KNTC1: variants seen among roughly 807,000 people sequenced by gnomAD.
KNTC1 encodes kinetochore-associated protein 1.
In KNTC1, 253 loss-of-function variants were observed where a neutral mutation model predicts 314.4. That is an observed-to-expected ratio of 0.80 (90% CI 0.73 to 0.89). The LOEUF is 0.89. Ranked by LOEUF, KNTC1 falls within the 40% of genes least tolerant of loss-of-function variation. KNTC1 has a pLI of 0.00. For synonymous variants in KNTC1, 901 were observed against 901.4 expected (o/e 1.00, Z 0.01); for missense variants, 2,475 against 2,572.9 (o/e 0.96, Z 0.82).
chr12:122,565,659 G>T (rs761570805), intron 20 of KNTC1, among the ~76,000 whole-genome samples: 3 of 152,014 alleles, frequency 2.0e-5, no homozygotes, highest in Non-Finnish European at 4.4e-5. Context: ...GGCTGAGGTA[G>T]GCGGATCGCT....
intron 51 of KNTC1, among the ~76,000 whole-genome samples, chr12:122,608,933 C>T (rs1220634525): frequency 6.6e-6 from 1 of 152,024 alleles, no homozygotes; most frequent in East Asian, 1.9e-4. Context: ...ATGGTGTGCA[C>T]CTGTGGTCCC....
Position 122,602,711 on chromosome 12 carries a change from G to T in KNTC1, c.4796G>T (p.Gly1599Val). 1 of 1,613,790 alleles carries T rather than the reference G, an allele frequency of 6.2e-7. No homozygotes were observed. Among genetic ancestry groups the T allele is most frequent in the Non-Finnish European group, 8.5e-7 (1 of 1,179,826 alleles). ...TRLPFHLIFF[G>V]TAQNFWKILS... Reference sequence around the variant, plus strand: ...CTGCCTTTTCACCTGATATTCTTTGGCACAGCACAGAACTTCTGGAAAATT... The same window carrying T: ...CTGCCTTTTCACCTGATATTCTTTGTCACAGCACAGAACTTCTGGAAAATT... Residue 1599 changes from glycine (G) to valine (V), a missense_variant, in exon 46 of 64, where the codon GGC becomes GTC. Gly to Val is a moderately radical substitution (Grantham distance 109, BLOSUM62 -3). Coordinates refer to ENST00000333479, the MANE Select transcript of KNTC1 (RefSeq NM_014708.6).
chr12:122,596,746 G>A (rs1182588380), intron 43 of KNTC1, among the ~76,000 whole-genome samples: 1 of 152,042 alleles, frequency 6.6e-6, no homozygotes, highest in Middle Eastern at 3.2e-3. Flanking sequence ...AGAGGTTGAG[G>A]TGGGAGGATT....
intron 51 of KNTC1, among the ~76,000 whole-genome samples, chr12:122,606,200 T>G (rs1392606277): frequency 6.6e-6 from 1 of 150,846 alleles, no homozygotes; most frequent in African/African-American, 2.4e-5. Context: ...TGTTATCTGA[T>G]AAGTTTTAAA....
Position 122,580,610 on chromosome 12 carries a change from GC to G in KNTC1, c.2923del (p.Gln975ArgfsTer10). 1 of 1,559,746 alleles carries G rather than the reference GC, an allele frequency of 6.4e-7. No homozygotes were observed. The highest frequency in any genetic ancestry group is 1.2e-5 in the South Asian group (1 of 83,666). On this transcript the variant is annotated frameshift_variant, in exon 33 of 64. Transcript: ENST00000333479. LOFTEE classifies it high-confidence loss of function. ...ILCDIQKDNL[Q>X]KKDECEEMLK... is the part of the protein sequence containing the mutation. ...TTAAAAATTTAATTACAGACAATCT[GC>G]AGAAGAAGGACGAATGTGAAGAAAT... is the stretch of plus-strand genomic sequence containing the variant.
intron 20 of KNTC1, among the ~76,000 whole-genome samples, chr12:122,564,622 C>T (rs918594141): frequency 6.6e-6 from 1 of 151,980 alleles, no homozygotes. Flanking sequence ...ATGTGCACCA[C>T]CACATCTGGC....
chr12:122,546,498 G>A (rs755681253), intron 9 of KNTC1, 124 bp from the exon 10 acceptor site: 46 of 705,114 alleles, frequency 6.5e-5, no homozygotes, highest in Non-Finnish European at 9.6e-5. Flanking sequence ...ATAGAGGCAG[G>A]AATAAAGGAA....
chr12:122,610,670 A>G (rs1299362707), intron 52 of KNTC1, among the ~76,000 whole-genome samples, 152 bp from the exon 53 acceptor site: 1 of 152,242 alleles, frequency 6.6e-6, no homozygotes, highest in Non-Finnish European at 1.5e-5. Flanking sequence ...AGCATTCTTT[A>G]AAGGGGGAAG....
chr12:122,538,961 G>A (rs563892208), intron 4 of KNTC1, among the ~76,000 whole-genome samples: 2 of 152,340 alleles, frequency 1.3e-5, no homozygotes, highest in Non-Finnish European at 2.9e-5. Context: ...TTGGTGAAAG[G>A]CCAGGGTTGA....
At chr12:122,566,766 T>TG (rs1964373616) in intron 20 of KNTC1, among the ~76,000 whole-genome samples, 1 of 143,886 alleles carries the variant, frequency 6.9e-6, no homozygotes, top group South Asian at 2.3e-4. Flanking sequence ...TGGTTTTTTT[T>TG]TTTTTTTTTT....
At chr12:122,601,490 A>G in intron 44 of KNTC1, 46 bp from the exon 45 acceptor site, 1 of 1,450,276 alleles carries the variant, frequency 6.9e-7, no homozygotes. Context: ...AAATTTCAAC[A>G]TGGCAAAGTC....
chr12:122,596,607 A>G, intron 43 of KNTC1, among the ~76,000 whole-genome samples: 1 of 151,840 alleles, frequency 6.6e-6, no homozygotes, highest in East Asian at 1.9e-4. Context: ...TTGAGGGGCC[A>G]AGGCAGGAGG....
At chr12:122,585,855 A>G (rs1869204035) in intron 37 of KNTC1, 81 bp downstream of exon 37, 44 of 1,359,070 alleles carry the variant, frequency 3.2e-5, no homozygotes, top group Non-Finnish European at 4.6e-5. Flanking sequence ...AGCTAGAACT[A>G]CACACAGTAA....
At chr12:122,539,144 G>T (rs966016042) in intron 4 of KNTC1, among the ~76,000 whole-genome samples, 8 of 152,144 alleles carry the variant, frequency 5.3e-5, no homozygotes, top group Non-Finnish European at 1.2e-4. Flanking sequence ...TTCTTGTATG[G>T]TTGGGAATTC....
chr12:122,612,995 A>C, intron 53 of KNTC1, 117 bp from the exon 54 acceptor site: 1 of 676,642 alleles, frequency 1.5e-6, no homozygotes, highest in Non-Finnish European at 2.6e-6. Flanking sequence ...CCGTAACTGT[A>C]GAGATTGACT....
At chr12:122,576,379 A>C (rs994060980) in intron 29 of KNTC1, among the ~76,000 whole-genome samples, 1 of 151,864 alleles carries the variant, frequency 6.6e-6, no homozygotes, top group African/African-American at 2.4e-5. Context: ...TTTTTATGAG[A>C]GTATTAAAGA....
In KNTC1 at chr12:122,579,922, G is replaced by T; in HGVS notation, c.2859G>T (p.Met953Ile). The change falls in exon 32 of 64, where the codon ATG becomes ATT. Residue 953 changes from methionine to isoleucine, a missense_variant. Coordinates refer to ENST00000333479, the MANE Select transcript of KNTC1 (RefSeq NM_014708.6). ...ATTTTTAGGGCAAGGCCTGGAGAATGTCTGTAGCGAAGACATCCGTGGACA... is the reference window on the plus strand; with the variant it reads ...ATTTTTAGGGCAAGGCCTGGAGAATTTCTGTAGCGAAGACATCCGTGGACA... ...DHSKEGKAWR[M>I]SVAKTSVDIL... The T allele has an allele frequency of 1.9e-6, 3 of 1,610,208 alleles. No individual in the cohort carries two copies. Among genetic ancestry groups the T allele is most frequent in the Non-Finnish European group, 2.5e-6 (3 of 1,176,878 alleles).
chr12:122,563,799 G>GT, intron 20 of KNTC1: 2 of 1,473,228 alleles, frequency 1.4e-6, no homozygotes, highest in South Asian at 1.5e-5. Flanking sequence ...CTCTTCCACA[G>GT]TTTTTTCAGC....
In KNTC1 at chr12:122,573,021, T is replaced by C; in HGVS notation, c.2104T>C (p.Tyr702His). ...LRELITLHRKYNCKLALSDFE... is the reference protein window; with the variant it reads ...LRELITLHRKHNCKLALSDFE... Reference sequence around the variant, plus strand: ...AGAGTTGATCACGTTGCATAGGAAGTACAACTGCAAATTAGCCCTCTCTGA... The same window carrying C: ...AGAGTTGATCACGTTGCATAGGAAGCACAACTGCAAATTAGCCCTCTCTGA... The change falls in exon 25 of 64, where the codon TAC becomes CAC. Residue 702 changes from tyrosine (Y) to histidine (H), a missense_variant. Physicochemically the swap from Tyr to His is moderately conservative, Grantham distance 83. Coordinates refer to ENST00000333479, the MANE Select transcript of KNTC1 (RefSeq NM_014708.6). 6 of 1,611,578 alleles carry C rather than the reference T, an allele frequency of 3.7e-6. No homozygotes were observed. The highest frequency in any genetic ancestry group is 5.1e-6 in the Non-Finnish European group (6 of 1,178,590).
Sources: allele counts gnomAD v4.1 joint callset (sites outside exome capture counted in the v4.1 genomes callset), GRCh38; gene constraint gnomAD v4.1.1; transcripts MANE v1.5; gene names NCBI Gene and HGNC (gene_info 2026-07-23, HGNC 2026-07-21).